The following SLC67A1 variants were observed in gnomAD, a reference collection of about 807,000 sequenced individuals.
The protein encoded by SLC67A1 is solute carrier family 67 member A1.
chr11:2,919,976 G>T, the SLC67A1 span: 1 of 152,456 alleles, frequency 6.6e-6, no homozygotes, highest in Admixed American at 6.5e-5. Flanking sequence ...GGGCCGGGGC[G>T]AGACACCTCC....
the SLC67A1 span, chr11:2,915,198 C>T: frequency 1.2e-4 from 120 of 985,282 alleles, no homozygotes; most frequent in Non-Finnish European, 1.3e-4. Flanking sequence ...GGTGGCCCCA[C>T]TGACTGTCCT....
At chr11:2,923,136 G>A in the SLC67A1 span, among the ~76,000 whole-genome samples, 1 of 152,304 alleles carries the variant, frequency 6.6e-6, no homozygotes, top group South Asian at 2.1e-4. The surrounding 1 kb of genome is among the most constrained non-coding windows in gnomAD (Gnocchi z 6.5). Flanking sequence ...TGTTATCCAG[G>A]CTCCTGCCCC....
At chr11:2,900,692 C>CAAAAAAA in the SLC67A1 span, among the ~76,000 whole-genome samples, 9 of 59,640 alleles carry the variant, frequency 1.5e-4, no homozygotes, top group East Asian at 4.6e-4. Context: ...GACTCCGTCT[C>CAAAAAAA]AAAAAAAAAA....
the SLC67A1 span, chr11:2,921,087 C>T: frequency 7.1e-6 from 1 of 141,558 alleles, no homozygotes; most frequent in Non-Finnish European, 1.6e-5. Flanking sequence ...AAAAATTAGC[C>T]GGGCCTGGTG....
the SLC67A1 span, among the ~76,000 whole-genome samples, chr11:2,901,740 G>C: frequency 6.6e-6 from 1 of 152,176 alleles, no homozygotes; most frequent in Admixed American, 6.5e-5. Context: ...AGCAGCCTCC[G>C]GGTCTGGGGA....
At chr11:2,918,158 GC>G in the SLC67A1 span, 1 of 1,309,180 alleles carries the variant, frequency 7.6e-7, no homozygotes, top group Non-Finnish European at 1.1e-6. Flanking sequence ...TGCGGCCAGG[GC>G]CCGGCCCTTC....
chr11:2,919,465 C>A, the SLC67A1 span: 1 of 1,278,474 alleles, frequency 7.8e-7, no homozygotes, highest in Non-Finnish European at 1.1e-6. Flanking sequence ...GTGGGGCAGG[C>A]CTCTGAGAGT....
the SLC67A1 span, chr11:2,909,800 T>A: frequency 1.5e-6 from 2 of 1,332,852 alleles, no homozygotes; most frequent in Non-Finnish European, 2.0e-6. Context: ...CTCGGTTTCC[T>A]CTTTTGCTCG....
the SLC67A1 span, chr11:2,919,352 A>G: frequency 8.7e-6 from 14 of 1,613,836 alleles, no homozygotes; most frequent in Admixed American, 6.7e-5. Context: ...GACTTCTTCC[A>G]GCTGGAGGCC....
the SLC67A1 span, chr11:2,919,448 G>C: frequency 1.4e-6 from 2 of 1,414,252 alleles, no homozygotes; most frequent in Non-Finnish European, 2.0e-6. Context: ...CACGGCAGGG[G>C]TCTCCAGTGG....
At chr11:2,903,469 A>G in the SLC67A1 span, 23 of 1,613,152 alleles carry the variant, frequency 1.4e-5, no homozygotes, top group Non-Finnish European at 1.7e-5. Context: ...CTGCCTCTTC[A>G]TGCAGTTCTC....
At chr11:2,919,337 C>G in the SLC67A1 span, 1 of 1,613,968 alleles carries the variant, frequency 6.2e-7, no homozygotes, top group Non-Finnish European at 8.5e-7. Flanking sequence ...TCCATCATCT[C>G]CATGGACTTC....
the SLC67A1 span, chr11:2,921,931 G>T: frequency 9.2e-6 from 6 of 650,670 alleles, no homozygotes; most frequent in South Asian, 8.9e-5. Flanking sequence ...CACTGCTGGC[G>T]GAGTAGGGAG....
chr11:2,907,439 G>A, the SLC67A1 span, among the ~76,000 whole-genome samples: 1 of 152,134 alleles, frequency 6.6e-6, no homozygotes, highest in African/African-American at 2.4e-5. This position sits in a 1 kb window ranked among gnomAD's most constrained non-coding sequence, Gnocchi z 6.7. Flanking sequence ...GTCTTCCCAT[G>A]GATTTTTACA....
At chr11:2,900,332 A>G in the SLC67A1 span, among the ~76,000 whole-genome samples, 19 of 152,244 alleles carry the variant, frequency 1.2e-4, no homozygotes, top group East Asian at 1.9e-3. Context: ...GATTGGACAA[A>G]AGGCATTTGG....
At chr11:2,916,616 C>T in the SLC67A1 span, 1 of 1,609,160 alleles carries the variant, frequency 6.2e-7, no homozygotes, top group South Asian at 1.1e-5. Flanking sequence ...AGGCTGTTGC[C>T]CGCAGGATTC....
the SLC67A1 span, among the ~76,000 whole-genome samples, chr11:2,912,265 G>A: frequency 3.9e-5 from 6 of 152,332 alleles, no homozygotes; most frequent in South Asian, 8.3e-4. Context: ...GGTGAGGGAG[G>A]CCCACACCTC....
At chr11:2,909,792 C>T in the SLC67A1 span, 29 of 1,353,478 alleles carry the variant, frequency 2.1e-5, 1 homozygote, top group South Asian at 3.5e-4. Flanking sequence ...CTCTTGGCCT[C>T]GGTTTCCTCT....
the SLC67A1 span, chr11:2,914,952 C>G: frequency 3.0e-6 from 3 of 985,466 alleles, no homozygotes; most frequent in African/African-American, 5.2e-5. Context: ...CGTTCCCCTT[C>G]CCTGGCATTT....
Sources: gnomAD v4.1 joint callset for allele counts (sites outside exome capture counted in the v4.1 genomes callset) on GRCh38, gnomAD v4.1.1 for gene constraint, Gnocchi (gnomAD v3.1) non-coding constraint, MANE v1.5 for transcripts, NCBI Gene and HGNC (gene_info 2026-07-23, HGNC 2026-07-21) for gene names.